The following FAM184A variants were observed in gnomAD, a reference collection of about 807,000 sequenced individuals.
The protein encoded by FAM184A is family with sequence similarity 184 member A.
In FAM184A, 99 loss-of-function variants were observed where a neutral mutation model predicts 143.8. The observed-to-expected ratio is 0.69, with a 90% CI of 0.58 to 0.81. The LOEUF is 0.81. Among genes scored for constraint, FAM184A ranks in the 40% least tolerant of loss-of-function variants. The pLI is 0.00. For synonymous variants in FAM184A, 427 were observed against 446.4 expected (o/e 0.96, Z 0.55); for missense variants, 1,217 against 1,310.5 (o/e 0.93, Z 1.10).
At chr6:119,054,636 A>G (rs1786890731) in intron 1 of FAM184A, among the ~76,000 whole-genome samples, 5 of 152,206 alleles carry the variant, frequency 3.3e-5, no homozygotes, top group Non-Finnish European at 7.3e-5. Flanking sequence ...AGAATTTCCT[A>G]AAGTGTGACA....
intron 15 of FAM184A, among the ~76,000 whole-genome samples, chr6:118,964,972 AT>A (rs1392935733): frequency 6.6e-6 from 1 of 152,188 alleles, no homozygotes; most frequent in African/African-American, 2.4e-5. Flanking sequence ...TTTAAACCCC[AT>A]ACCCGAGCAC....
In FAM184A at chr6:118,961,928, C is replaced by T. The variant is rs372394552; in HGVS notation, c.3174G>A (p.Arg1058=). Residue 1058 remains arginine (R), a synonymous_variant, in exon 17 of 18, where the codon AGG becomes AGA. Transcript: ENST00000338891. Reference sequence around the variant, plus strand: ...CACTTAGATTGGGAACACTCACAAACCTGTTTGTTGGTGATTTATCATTCT... The same window carrying T: ...CACTTAGATTGGGAACACTCACAAATCTGTTTGTTGGTGATTTATCATTCT... ...KKKNDKSPTN[R]FVSVPNLSAL... is the part of the protein sequence containing the mutation. 1.3e-4 allele frequency: 216 copies of T among 1,613,706 alleles called. No homozygotes were observed. The highest frequency in any genetic ancestry group is 1.8e-4 in the Non-Finnish European group (209 of 1,179,846).
chr6:118,991,133 G>A (rs1171412678), intron 9 of FAM184A, among the ~76,000 whole-genome samples: 1 of 151,582 alleles, frequency 6.6e-6, no homozygotes, highest in African/African-American at 2.4e-5. Context: ...TGAGTTGATG[G>A]TAAGAAAAGA....
chr6:119,007,368 CA>C lies in FAM184A; in HGVS notation c.1654-761del, dbSNP rs954890741. Among the ~76,000 whole-genome samples, 43 of 148,170 alleles carry C rather than the reference CA, an allele frequency of 2.9e-4. No individual in the cohort carries two copies. In the East Asian group the frequency reaches 3.3e-3, roughly 11 times the overall value. On this transcript the variant is annotated intron_variant, in intron 6 of 17. Coordinates refer to ENST00000338891, the MANE Select transcript of FAM184A (RefSeq NM_024581.6). ...TTTTTCCTTGTAAATACAGACATTA[CA>C]AAAAAAAAATACAAAAATTCTCCTT...
In FAM184A at chr6:118,980,256, C is replaced by T. The variant is rs1186593442; in HGVS notation, c.2183G>A (p.Arg728Gln). ...LQAQFTQERQ[R>Q]LTQELEELEE... Reference sequence around the variant, plus strand: ...TAATTCTTCAAGCTCTTGCGTAAGCCGCTGTCGTTCTTGCGTAAACTGGGC... The same window carrying T: ...TAATTCTTCAAGCTCTTGCGTAAGCTGCTGTCGTTCTTGCGTAAACTGGGC... Residue 728 changes from arginine to glutamine, a missense_variant, in exon 10 of 18, where the codon CGG becomes CAG. Coordinates refer to ENST00000338891, the MANE Select transcript of FAM184A (RefSeq NM_024581.6). 1.2e-6 allele frequency: 2 copies of T among 1,614,068 alleles called. No individual in the cohort carries two copies. The highest frequency in any genetic ancestry group is 1.1e-5 in the South Asian group (1 of 91,078).
intron 2 of FAM184A, among the ~76,000 whole-genome samples, chr6:119,023,304 A>G (rs1785512206): frequency 6.6e-6 from 1 of 152,186 alleles, no homozygotes; most frequent in Non-Finnish European, 1.5e-5. Context: ...AATGTTGCAC[A>G]GATATTAAAA....
rs372303662 is a variant in FAM184A at position 118,980,271 on chromosome 6, G to A, written c.2168C>T (p.Thr723Met). ...TSLQQLQAQF[T>M]QERQRLTQEL... ...TTGCGTAAGCCGCTGTCGTTCTTGC[G>A]TAAACTGGGCTTGCAGTTGTTGCAA... The change falls in exon 10 of 18, where the codon ACG (threonine) becomes ATG (methionine). Residue 723 changes from threonine (T) to methionine (M), a missense_variant. Physicochemically the swap from Thr to Met is moderately conservative, Grantham distance 81. Transcript: ENST00000338891. 2.0e-5 allele frequency: 33 copies of A among 1,614,004 alleles called. No homozygotes were observed. The highest frequency in any genetic ancestry group is 2.5e-5 in the Non-Finnish European group (29 of 1,179,990).
intron 8 of FAM184A, 55 bp from the exon 9 acceptor site, chr6:119,003,104 T>A: frequency 6.8e-7 from 1 of 1,461,636 alleles, no homozygotes; most frequent in Admixed American, 2.3e-5. Flanking sequence ...TTTCACTGAC[T>A]GTAATAGAGT....
At chr6:119,082,602 A>G (rs1273914715), upstream of FAM184A, among the ~76,000 whole-genome samples, 1 of 152,268 alleles carries the variant, frequency 6.6e-6, no homozygotes, top group Admixed American at 6.5e-5. Flanking sequence ...AAAACTGACA[A>G]GGCACTCATT....
In FAM184A at chr6:119,078,570, T is replaced by C. The variant is rs542160678; in HGVS notation, c.-271A>G. 3.4e-4 allele frequency: 94 copies of C among 272,764 alleles called. No homozygotes were observed. In the East Asian group the frequency reaches 5.7e-3, roughly 17 times the overall value. 16.9% of individuals were successfully genotyped at this position (272,764 alleles called of 1,614,324 possible). ...CGGCGGCCGGGGGCCGGGCCAGCTC[T>C]TGGAGGCTCCTCGGCCCGCGCCTGG... is the stretch of plus-strand genomic sequence containing the variant. On this transcript the variant is annotated 5_prime_UTR_variant, in exon 1 of 18. Transcript: ENST00000338891. The surrounding 1 kb of genome is among the most constrained non-coding windows in gnomAD (Gnocchi z 5.5).
chr6:119,089,159 A>ATTT (rs200716926), intron 1 of FAM184A, among the ~76,000 whole-genome samples: 7 of 137,720 alleles, frequency 5.1e-5, no homozygotes, highest in Admixed American at 2.2e-4. Flanking sequence ...GCTAACACCT[A>ATTT]TTTTTTTTTT....
At chr6:119,097,239 A>T (rs1450045503) in intron 1 of FAM184A, among the ~76,000 whole-genome samples, 3 of 151,990 alleles carry the variant, frequency 2.0e-5, no homozygotes, top group African/African-American at 7.2e-5. Context: ...ATGTTTTTTC[A>T]CTTAAGAAAA....
intron 14 of FAM184A, among the ~76,000 whole-genome samples, chr6:118,967,625 T>A (rs988325619): frequency 1.3e-5 from 2 of 152,168 alleles, no homozygotes; most frequent in Non-Finnish European, 2.9e-5. Flanking sequence ...TATAGGCCAC[T>A]TTTTATAAGC....
intron 1 of FAM184A, among the ~76,000 whole-genome samples, chr6:119,114,667 G>A (rs6935642): frequency 0.29 from 44,282 of 152,054 alleles, 6,723 homozygotes; most frequent in Admixed American, 0.38. Context: ...TCAGCCTCTA[G>A]AGTAGCTGGG....
chr6:119,031,880 A>G (rs1785884213), intron 1 of FAM184A, among the ~76,000 whole-genome samples: 1 of 152,206 alleles, frequency 6.6e-6, no homozygotes, highest in Admixed American at 6.5e-5. Context: ...ACAATATAAG[A>G]AAAAATGATA....
intron 1 of FAM184A, among the ~76,000 whole-genome samples, chr6:119,090,995 A>G (rs903177801): frequency 2.0e-5 from 3 of 152,194 alleles, no homozygotes; most frequent in Admixed American, 6.5e-5. Context: ...GATGCTTATG[A>G]TAATCAGGAT....
chr6:118,964,766 A>C lies in FAM184A; in HGVS notation c.3039T>G (p.Asp1013Glu). Residue 1013 changes from aspartate (D) to glutamate (E), a missense_variant, in exon 16 of 18, where the codon GAT becomes GAG. Coordinates refer to ENST00000338891, the MANE Select transcript of FAM184A (RefSeq NM_024581.6). Reference sequence around the variant, plus strand: ...CTAATTCCAGCTGATAAAACTTATTATCCTCCTATGCAAAAGAATTATAAA... The same window carrying C: ...CTAATTCCAGCTGATAAAACTTATTCTCCTCCTATGCAAAAGAATTATAAA... ...RDQIIKKLIE[D>E]NKFYQLELVN... 6.5e-7 allele frequency: 1 copy of C among 1,544,394 alleles called. No individual in the cohort carries two copies. The highest frequency in any genetic ancestry group is 2.3e-5 in the East Asian group (1 of 44,354).
intron 11 of FAM184A, among the ~76,000 whole-genome samples, chr6:118,978,740 T>C (rs557333796): frequency 8.6e-5 from 13 of 151,554 alleles, no homozygotes; most frequent in Non-Finnish European, 1.5e-4. Flanking sequence ...TATGACAACA[T>C]GTTAAAAATA....
At chr6:119,017,026 T>C (rs1785280851) in intron 4 of FAM184A, 82 bp from the exon 5 acceptor site, 2 of 887,706 alleles carry the variant, frequency 2.3e-6, no homozygotes, top group East Asian at 2.5e-5. Flanking sequence ...CCTATAAATA[T>C]GGAAGCTTGA....
Sources: allele counts gnomAD v4.1 joint callset (sites outside exome capture counted in the v4.1 genomes callset), GRCh38; gene constraint gnomAD v4.1.1; non-coding constraint Gnocchi (gnomAD v3.1); transcripts MANE v1.5; gene names NCBI Gene and HGNC (gene_info 2026-07-23, HGNC 2026-07-21).